PRSS27: variants seen among roughly 807,000 people sequenced by gnomAD.
PRSS27 encodes the protein serine protease 27.
Under a neutral mutation model 32.0 loss-of-function variants are expected in PRSS27, and 25 were observed. That is an observed-to-expected ratio of 0.78 (90% CI 0.57 to 1.09). The LOEUF (loss-of-function observed/expected upper bound fraction) is 1.09, where lower values mean the gene tolerates loss of function less well. Ranked by LOEUF, PRSS27 falls within the 50% of genes least tolerant of loss-of-function variation. The pLI, the probability that PRSS27 is intolerant of heterozygous loss-of-function variation, is 0.00. For synonymous variants in PRSS27, 178 were observed against 172.2 expected, an observed-to-expected ratio of 1.03 and a Z score of -0.26; for missense variants, 401 against 394.9, an observed-to-expected ratio of 1.02 and a Z score of -0.13.
Position 2,716,936 on chromosome 16 carries a change from C to T in PRSS27, c.47-410G>A, listed in dbSNP as rs149524014. 2,253 of 228,528 alleles carry T rather than the reference C, an allele frequency of 9.9e-3. 54 individuals are homozygous for T. The highest frequency in any genetic ancestry group is 0.046 in the African/African-American group (2,090 of 45,550). The allele number at this position is 228,528 out of a possible 1,614,324, so 14.2% of individuals were successfully genotyped here. A position where few individuals can be genotyped will look rare whatever the true frequency, so the allele number is the denominator to read the frequency against. On this transcript the variant is annotated intron_variant, in intron 1 of 5. Transcript: ENST00000302641. ...GCACTGTAAGGTTGGCCTTTCCTCCCGGAACAGCTCAGAGCGGAAGAGGCC... is the reference window on the plus strand; with the variant it reads ...GCACTGTAAGGTTGGCCTTTCCTCCTGGAACAGCTCAGAGCGGAAGAGGCC...
At position 2,720,097 on chromosome 16, in the gene PRSS27, T is replaced by C. The variant is rs759810992; in HGVS notation, c.46+18A>G. Reference sequence around the variant, plus strand: ...GTGGGGGACTGCACCACCAGGACCCTGCACCTTCACGACTCACCAAAACAC... The same window carrying C: ...GTGGGGGACTGCACCACCAGGACCCCGCACCTTCACGACTCACCAAAACAC... On this transcript the variant is annotated intron_variant, in intron 1 of 5. Coordinates refer to ENST00000302641, the MANE Select transcript of PRSS27 (RefSeq NM_031948.5). The C allele has an allele frequency of 1.9e-6, 3 of 1,595,236 alleles. No homozygotes were observed. The African/African-American group carries it at 4.0e-5, about 21-fold the overall frequency.
At chr16:2,713,455 G>T in intron 5 of PRSS27, 74 bp downstream of exon 5, 1 of 1,432,640 alleles carries the variant, frequency 7.0e-7, no homozygotes, top group Non-Finnish European at 9.9e-7. Context: ...AGCCCATGGA[G>T]CGGGGCATGA....
intron 2 of PRSS27, 183 bp from the exon 3 acceptor site, chr16:2,716,063 C>T (rs1226283039): frequency 3.6e-6 from 2 of 558,670 alleles, no homozygotes; most frequent in South Asian, 2.6e-5. Flanking sequence ...TCCCCAGCTG[C>T]CCCCCAAAGT....
chr16:2,714,557 G>A lies in PRSS27; in HGVS notation c.237-221C>T. On this transcript the variant is annotated intron_variant, in intron 3 of 5. Coordinates refer to ENST00000302641, the MANE Select transcript of PRSS27 (RefSeq NM_031948.5). This position sits in a 1 kb window ranked among gnomAD's most constrained non-coding sequence, Gnocchi z 4.7. ...CCACCTCCACCCCTGGCCGCTGTGT[G>A]GCCTTGGGCAAGTCACTTAACAAGT... The A allele has an allele frequency of 1.7e-6, 1 of 600,424 alleles. No homozygotes were observed. The highest frequency in any genetic ancestry group is 3.0e-6 in the Non-Finnish European group (1 of 336,628). The allele number at this position is 600,424 out of a possible 1,614,324, so 37.2% of individuals were successfully genotyped here.
intron 4 of PRSS27, 123 bp from the exon 5 acceptor site, chr16:2,713,821 C>T (rs994194575): frequency 1.3e-5 from 15 of 1,139,168 alleles, no homozygotes; most frequent in Non-Finnish European, 1.9e-5. Flanking sequence ...TGGCTTAGGG[C>T]ACTGTGGGGC....
chr16:2,716,025 C>T, intron 2 of PRSS27, 145 bp from the exon 3 acceptor site: 1 of 674,908 alleles, frequency 1.5e-6, no homozygotes, highest in Non-Finnish European at 2.4e-6. Context: ...GCCTGGGCTT[C>T]GGGGCAGTCT....
chr16:2,713,409 C>G lies in PRSS27; in HGVS notation c.678+120G>C, dbSNP rs777549671. The G allele has an allele frequency of 3.5e-6, 4 of 1,142,770 alleles. No individual in the cohort carries two copies. In the Admixed American group the frequency reaches 6.8e-5, roughly 19 times the overall value. 70.8% of individuals were successfully genotyped at this position (1,142,770 alleles called of 1,614,324 possible). Reference sequence around the variant, plus strand: ...CACCACACCCGGCCCTGGAATCTGCCTTTTCAAAACAAGCTGCTCAGCTGG... The same window carrying G: ...CACCACACCCGGCCCTGGAATCTGCGTTTTCAAAACAAGCTGCTCAGCTGG... On this transcript the variant is annotated intron_variant, in intron 5 of 5. Transcript: ENST00000302641.
At position 2,715,821 on chromosome 16, in the gene PRSS27, C is replaced by T; in HGVS notation, c.133G>A (p.Glu45Lys). 1 of 1,605,596 alleles carries T rather than the reference C, an allele frequency of 6.2e-7. No individual in the cohort carries two copies. Among genetic ancestry groups the T allele is most frequent in the Non-Finnish European group, 8.5e-7 (1 of 1,177,938 alleles). ...MVGGQDTQEG[E>K]WPWQVSIQRN... ...TGGATGCTGACTTGCCAGGGCCACT[C>T]GCCCTCCTGCGTGTCCTGCCCGCCC... Residue 45 changes from glutamate to lysine, a missense_variant, in exon 3 of 6, where the codon GAG becomes AAG. Glu to Lys is a moderately conservative substitution (Grantham distance 56, BLOSUM62 1). Coordinates refer to ENST00000302641, the MANE Select transcript of PRSS27 (RefSeq NM_031948.5).
At chr16:2,715,915 C>G in intron 2 of PRSS27, 35 bp from the exon 3 acceptor site, 6 of 1,517,096 alleles carry the variant, frequency 4.0e-6, no homozygotes, top group Non-Finnish European at 5.3e-6. Context: ...GGGGCGCTCA[C>G]TGGGGCTGGT....
At position 2,713,499 on chromosome 16, in the gene PRSS27, G is replaced by C. The variant is rs752332397; in HGVS notation, c.678+30C>G. 5 of 1,603,578 alleles carry C rather than the reference G, an allele frequency of 3.1e-6. No homozygotes were observed. The South Asian group carries it at 3.3e-5, about 11-fold the overall frequency. On this transcript the variant is annotated intron_variant, in intron 5 of 5. Coordinates refer to ENST00000302641, the MANE Select transcript of PRSS27 (RefSeq NM_031948.5). ...TGCCCTGGGCCTGGCGGTGGGGACTGAGTCCCCATGGACACCACATTGCTC... is the reference window on the plus strand; with the variant it reads ...TGCCCTGGGCCTGGCGGTGGGGACTCAGTCCCCATGGACACCACATTGCTC...
chr16:2,713,507 A>G lies in PRSS27; in HGVS notation c.678+22T>C, dbSNP rs760334682. 6.8e-6 allele frequency: 11 copies of G among 1,613,600 alleles called. 1 individual carries two copies. In the South Asian group the frequency reaches 1.2e-4, roughly 18 times the overall value. On this transcript the variant is annotated intron_variant, in intron 5 of 5. Transcript: ENST00000302641. ...GCCTGGCGGTGGGGACTGAGTCCCC[A>G]TGGACACCACATTGCTCCCACCTTG...
intron 1 of PRSS27, 23 bp downstream of exon 1, chr16:2,720,092 G>A (rs555624717): frequency 1.3e-6 from 2 of 1,590,924 alleles, no homozygotes; most frequent in African/African-American, 2.7e-5. Flanking sequence ...GCACCACCAG[G>A]ACCCTGCACC....
chr16:2,713,810 C>G (rs535702890), intron 4 of PRSS27, 112 bp from the exon 5 acceptor site: 1 of 1,268,216 alleles, frequency 7.9e-7, no homozygotes, highest in African/African-American at 1.5e-5. Context: ...TAGACCATCT[C>G]TGGCTTAGGG....
Position 2,715,833 on chromosome 16 carries a change from T to C in PRSS27, c.121A>G (p.Thr41Ala). ...TGCCAGGGCCACTCGCCCTCCTGCG[T>C]GTCCTGCCCGCCCACCATTCGGTTC... ...MLNRMVGGQDTQEGEWPWQVS... is the reference protein window; with the variant it reads ...MLNRMVGGQDAQEGEWPWQVS... Residue 41 changes from threonine to alanine, a missense_variant, in exon 3 of 6, where the codon ACG becomes GCG. Physicochemically the swap from Thr to Ala is moderately conservative, Grantham distance 58 (BLOSUM62 0). Transcript: ENST00000302641. 6.2e-7 allele frequency: 1 copy of C among 1,603,806 alleles called. No homozygotes were observed. The highest frequency in any genetic ancestry group is 8.5e-7 in the Non-Finnish European group (1 of 1,176,624).
At chr16:2,715,612 G>GGTC in intron 3 of PRSS27, 106 bp downstream of exon 3, 1 of 865,490 alleles carries the variant, frequency 1.2e-6, no homozygotes, top group South Asian at 1.9e-5. Flanking sequence ...CCCCCAGGGA[G>GGTC]GTCACCCGCA....
intron 1 of PRSS27, among the ~76,000 whole-genome samples, chr16:2,718,864 T>G (rs1161949445): frequency 6.6e-6 from 1 of 151,212 alleles, no homozygotes; most frequent in African/African-American, 2.4e-5. Flanking sequence ...TGGACACAAG[T>G]GTGGCTGTGG....
chr16:2,713,846 C>T (rs1365173342), intron 4 of PRSS27, 148 bp from the exon 5 acceptor site: 26 of 1,028,116 alleles, frequency 2.5e-5, no homozygotes, highest in Non-Finnish European at 3.3e-5. Flanking sequence ...ATCCTCCCTC[C>T]TTCCAGGCAG....
In PRSS27 at chr16:2,714,322, G is replaced by C. The variant is rs1482936757; in HGVS notation, c.251C>G (p.Ser84Cys). The C allele has an allele frequency of 6.2e-7, 1 of 1,612,942 alleles. No individual in the cohort carries two copies. The highest frequency in any genetic ancestry group is 8.5e-7 in the Non-Finnish European group (1 of 1,180,000). The change falls in exon 4 of 6, where the codon TCC becomes TGC. Residue 84 changes from serine to cysteine, a missense_variant. By Grantham distance (112) the Ser-to-Cys change is moderately radical. Coordinates refer to ENST00000302641, the MANE Select transcript of PRSS27 (RefSeq NM_031948.5). This position sits in a 1 kb window ranked among gnomAD's most constrained non-coding sequence, Gnocchi z 4.7. The part of the protein sequence containing the change: ...AHCFRNTSET[S>C]LYQVLLGARQ... ...TGCCCCCAGCAGGACCTGGTACAGG[G>C]ACGTCTCAGAGGTGCTGGCGGGAGA...
chr16:2,716,671 A>T, intron 1 of PRSS27, 145 bp from the exon 2 acceptor site: 1 of 783,762 alleles, frequency 1.3e-6, no homozygotes. Context: ...GGAGAGCCCA[A>T]GGGCCTGCAG....
Sources: allele counts gnomAD v4.1 joint callset (sites outside exome capture counted in the v4.1 genomes callset), GRCh38; gene constraint gnomAD v4.1.1; non-coding constraint Gnocchi (gnomAD v3.1); transcripts MANE v1.5; gene names NCBI Gene and HGNC (gene_info 2026-07-23, HGNC 2026-07-21).